Variants in HDAC9 observed in about 807,000 individuals in gnomAD.
The protein encoded by HDAC9 is histone deacetylase 9.
In HDAC9, 41 loss-of-function variants were observed where a neutral mutation model predicts 139.4. That is an observed-to-expected ratio of 0.29 (90% confidence interval 0.23 to 0.38). HDAC9 has a LOEUF of 0.38. HDAC9 is among the 10% of genes least tolerant of loss of function. HDAC9 has a pLI of 1.00. For synonymous variants in HDAC9, 517 were observed against 476.2 expected (o/e 1.09, Z -1.12); for missense variants, 1,147 against 1,297.0 (o/e 0.88, Z 1.78).
At chr7:18,491,300 T>C (rs551777679), upstream of HDAC9, among the ~76,000 whole-genome samples, 2 of 152,004 alleles carry the variant, frequency 1.3e-5, no homozygotes, top group East Asian at 3.9e-4. Flanking sequence ...ATAAAATAAA[T>C]AATGGCACAT....
At chr7:18,560,975 C>G (rs1820400287) in intron 2 of HDAC9, among the ~76,000 whole-genome samples, 1 of 152,146 alleles carries the variant, frequency 6.6e-6, no homozygotes, top group Non-Finnish European at 1.5e-5. Context: ...TATTAAGACA[C>G]TGGCGCCTTT....
chr7:18,874,161 T>A (rs565124046), intron 21 of HDAC9, among the ~76,000 whole-genome samples: 1 of 152,024 alleles, frequency 6.6e-6, no homozygotes, highest in East Asian at 1.9e-4. Context: ...AAGCAGTTTT[T>A]TATAGGCAGT....
intron 12 of HDAC9, among the ~76,000 whole-genome samples, chr7:18,689,562 A>G (rs1401227515): frequency 6.6e-6 from 1 of 151,958 alleles, no homozygotes; most frequent in East Asian, 1.9e-4. Context: ...AGTGCCTGAT[A>G]TTCTTGGAGA....
intron 12 of HDAC9, among the ~76,000 whole-genome samples, chr7:18,723,271 T>C (rs1037072867): frequency 6.6e-6 from 1 of 152,176 alleles, no homozygotes; most frequent in Non-Finnish European, 1.5e-5. Flanking sequence ...GAAAAATATA[T>C]ATTATTAAAG....
At chr7:18,160,426 C>G (rs962426769) in intron 1 of HDAC9, among the ~76,000 whole-genome samples, 4 of 152,110 alleles carry the variant, frequency 2.6e-5, no homozygotes, top group African/African-American at 9.7e-5. Context: ...GTAAATTTAA[C>G]TTTTATTTTA....
intron 21 of HDAC9, among the ~76,000 whole-genome samples, chr7:18,839,528 T>C (rs1458270921): frequency 6.6e-6 from 1 of 151,934 alleles, no homozygotes; most frequent in African/African-American, 2.4e-5. Flanking sequence ...GTTGAATGAG[T>C]CAATGAATGA....
rs1232176952 is a variant in HDAC9 at position 18,962,095 on chromosome 7, C to G, written c.3022+7865C>G. ...GAGCTGTGCGTCCACTTTTGAGCCCCTTATAAACTTGTAAAATACTTCTAA... is the reference window on the plus strand; with the variant it reads ...GAGCTGTGCGTCCACTTTTGAGCCCGTTATAAACTTGTAAAATACTTCTAA... On this transcript the variant is annotated intron_variant, in intron 24 of 25. Transcript: ENST00000686413. 2.0e-5 allele frequency among the ~76,000 whole-genome samples: 3 copies of G among 152,130 alleles called. No homozygotes were observed. In the East Asian group the frequency reaches 5.8e-4, roughly 29 times the overall value.
intron 1 of HDAC9, among the ~76,000 whole-genome samples, chr7:18,422,906 A>G (rs962391930): frequency 6.6e-6 from 1 of 152,132 alleles, no homozygotes; most frequent in South Asian, 2.1e-4. Flanking sequence ...TTGCATATGG[A>G]GAGGTTAGGT....
intron 2 of HDAC9, among the ~76,000 whole-genome samples, chr7:18,190,756 C>A (rs1790292683): frequency 6.6e-6 from 1 of 152,110 alleles, no homozygotes; most frequent in South Asian, 2.1e-4. Flanking sequence ...AATTACTCAG[C>A]TTTTAAAATC....
At chr7:18,835,856 T>C (rs1796201334) in intron 20 of HDAC9, 44 bp from the exon 21 acceptor site, 1 of 1,316,702 alleles carries the variant, frequency 7.6e-7, no homozygotes, top group East Asian at 2.5e-5. Context: ...TTTCTTCCAT[T>C]TGCTCTCTTC....
At chr7:18,560,033 T>A (rs1820105945) in intron 2 of HDAC9, among the ~76,000 whole-genome samples, 2 of 152,168 alleles carry the variant, frequency 1.3e-5, no homozygotes, top group Non-Finnish European at 2.9e-5. Context: ...TAATGAAAAG[T>A]CTTTTCTTCT....
Position 18,207,539 on chromosome 7 carries a change from CTTTTTTT to C in HDAC9, c.25+45202_25+45208del, listed in dbSNP as rs56690120. Among the ~76,000 whole-genome samples, 34 of 53,740 alleles carry C rather than the reference CTTTTTTT, an allele frequency of 6.3e-4. 1 individual carries two copies. In the East Asian group the frequency reaches 0.021, roughly 34 times the overall value. 35.3% of individuals were successfully genotyped at this position (53,740 alleles called of 152,430 possible). ...CTCTCACCTCATCTGCCCAAGGAGT[CTTTTTTT>C]TTTTTTTTTTTGATTTGAGCTTTCT... On this transcript the variant is annotated intron_variant, in intron 2 of 12. Coordinates refer to the HDAC9 transcript ENST00000417496.
chr7:18,437,257 G>T (rs1791289914), intron 1 of HDAC9, among the ~76,000 whole-genome samples: 1 of 152,004 alleles, frequency 6.6e-6, no homozygotes, highest in Admixed American at 6.6e-5. Context: ...ATATATTCAA[G>T]AACACTAAAG....
At chr7:18,390,573 C>G (rs1170779781) in intron 1 of HDAC9, among the ~76,000 whole-genome samples, 2 of 152,106 alleles carry the variant, frequency 1.3e-5, no homozygotes, top group Non-Finnish European at 2.9e-5. Context: ...TATTCTGTGT[C>G]CGGCTTTTTC....
chr7:18,561,076 AT>A (rs1820447992), intron 2 of HDAC9, among the ~76,000 whole-genome samples: 1 of 152,232 alleles, frequency 6.6e-6, no homozygotes, highest in Non-Finnish European at 1.5e-5. Context: ...CAACAAAAAA[AT>A]GAATCATTTT....
rs893410562 is a variant in HDAC9, at chr7:18,414,283, C to T, written c.-41-81979C>T. Among the ~76,000 whole-genome samples the T allele has an allele frequency of 2.0e-5, 3 of 151,542 alleles. No individual in the cohort carries two copies. The South Asian group carries it at 6.3e-4, about 32-fold the overall frequency. On this transcript the variant is annotated intron_variant, in intron 1 of 3. Coordinates refer to the HDAC9 transcript ENST00000413509. ...TGCAAAGATGTCACAATGATATTGA[C>T]CATTATATTACCTGATGTCCATTAA...
At chr7:18,554,459 C>A (rs1049799190) in intron 2 of HDAC9, among the ~76,000 whole-genome samples, 16 of 151,504 alleles carry the variant, frequency 1.1e-4, no homozygotes, top group Non-Finnish European at 1.8e-4. Context: ...CCTCAGCCTC[C>A]GGAGTAGCTG....
intron 17 of HDAC9, among the ~76,000 whole-genome samples, chr7:18,808,788 C>G (rs1312160616): frequency 6.6e-6 from 1 of 151,702 alleles, no homozygotes; most frequent in African/African-American, 2.4e-5. Context: ...GAAAAAAAAT[C>G]CTAAAATTCA....
At chr7:18,341,905 T>C (rs1262980224) in intron 1 of HDAC9, among the ~76,000 whole-genome samples, 1 of 151,828 alleles carries the variant, frequency 6.6e-6, no homozygotes, top group African/African-American at 2.4e-5. Flanking sequence ...AGTTTTATCC[T>C]TTTGGTTCCA....
Sources: gnomAD v4.1 joint callset for allele counts (sites outside exome capture counted in the v4.1 genomes callset) on GRCh38, gnomAD v4.1.1 for gene constraint, MANE v1.5 for transcripts, NCBI Gene and HGNC (gene_info 2026-07-23, HGNC 2026-07-21) for gene names.